Variants in CLCC1 observed in about 807,000 individuals in gnomAD.
CLCC1 encodes the protein chloride channel CLIC-like protein 1.
A neutral mutation model predicts 63.3 loss-of-function variants in CLCC1; 39 were observed. That is an observed-to-expected ratio of 0.62 (90% CI 0.48 to 0.81). The LOEUF is 0.81. Ranked by LOEUF, CLCC1 falls within the 30% of genes least tolerant of loss-of-function variation. The pLI is 0.00. For synonymous variants in CLCC1, 217 were observed against 239.8 expected (o/e 0.90, Z 0.88); for missense variants, 549 against 669.4 (o/e 0.82, Z 1.98).
chr1:108,961,448 A>C (rs917374905), intron 2 of CLCC1, among the ~76,000 whole-genome samples: 1 of 152,208 alleles, frequency 6.6e-6, no homozygotes, highest in Non-Finnish European at 1.5e-5. Context: ...CACCTATGTC[A>C]TTCTAGTACT....
chr1:108,947,643 T>C lies in CLCC1; in HGVS notation c.307A>G (p.Lys103Glu), dbSNP rs1488633723. The C allele has an allele frequency of 2.5e-6, 4 of 1,611,642 alleles. No individual in the cohort carries two copies. The highest frequency in any genetic ancestry group is 3.4e-6 in the Non-Finnish European group (4 of 1,178,754). ...AGCTTTCCAGCTTCAATTAAAATCTTATTTAAGTATCTCCTAAAAACAGGA... is the reference window on the plus strand; with the variant it reads ...AGCTTTCCAGCTTCAATTAAAATCTCATTTAAGTATCTCCTAAAAACAGGA... ...SNPVFRRYLN[K>E]ILIEAGKLGL... The change falls in exon 5 of 13, where the codon AAG becomes GAG. Residue 103 changes from lysine to glutamate, a missense_variant. By Grantham distance (56) the Lys-to-Glu change is moderately conservative. Transcript: ENST00000369969.
rs1571098519 is a variant in CLCC1, at chr1:108,960,765, G to C, written c.-12+1544C>G. On this transcript the variant is annotated intron_variant, in intron 2 of 12. Transcript: ENST00000369969. ...TAACACTGTGAGGAGGTTAGGATGG[G>C]GGAAACGGAGATTTGGAGGGGAAAA... is the stretch of plus-strand genomic sequence containing the variant. 2.0e-5 allele frequency among the ~76,000 whole-genome samples: 3 copies of C among 152,130 alleles called. No homozygotes were observed. In the South Asian group the frequency reaches 6.2e-4, roughly 32 times the overall value.
At chr1:108,955,987 C>G (rs1229618102) in intron 2 of CLCC1, among the ~76,000 whole-genome samples, 1 of 151,612 alleles carries the variant, frequency 6.6e-6, no homozygotes, top group Non-Finnish European at 1.5e-5. Context: ...TACTTCTCGG[C>G]ACCCATAATC....
At position 108,932,165 on chromosome 1, in the gene CLCC1, T is replaced by G. The variant is rs2101593033; in HGVS notation, c.*382A>C. ...GATGCACATCTGTAATCCTAGCTACTCGGGAGACTGAGGCAGGAGAATCTC... is the reference window on the plus strand; with the variant it reads ...GATGCACATCTGTAATCCTAGCTACGCGGGAGACTGAGGCAGGAGAATCTC... On this transcript the variant is annotated 3_prime_UTR_variant, in exon 13 of 13. Coordinates refer to ENST00000369969, the MANE Select transcript of CLCC1 (RefSeq NM_001377458.1). 6.6e-6 allele frequency: 1 copy of G among 152,300 alleles called. No homozygotes were observed. The highest frequency in any genetic ancestry group is 3.4e-3 in the Middle Eastern group (1 of 294). 9.4% of individuals were successfully genotyped at this position (152,300 alleles called of 1,614,324 possible). A position where few individuals can be genotyped will look rare whatever the true frequency, so the allele number is the denominator to read the frequency against.
chr1:108,963,477 AATTGTTC>A lies in CLCC1; in HGVS notation c.-296_-290del. The A allele has an allele frequency of 2.8e-6, 2 of 701,800 alleles. No homozygotes were observed. The highest frequency in any genetic ancestry group is 3.0e-5 in the South Asian group (2 of 67,578). 43.5% of individuals were successfully genotyped at this position (701,800 alleles called of 1,614,324 possible). ...GCGTGCTTCCTGGGCCTCGTCATCG[AATTGTTC>A]GGCTGACGGCTGCGTGTCCCTCCCC... On this transcript the variant is annotated 5_prime_UTR_variant, in exon 1 of 13. Coordinates refer to ENST00000369969, the MANE Select transcript of CLCC1 (RefSeq NM_001377458.1).
In CLCC1 at chr1:108,931,624, C is replaced by G; in HGVS notation, c.*923G>C. On this transcript the variant is annotated 3_prime_UTR_variant, in exon 13 of 13. Transcript: ENST00000369969. ...CCTGGAATTAATTACATTAAGTGCT[C>G]AGCTAAAAAAAAAAAAAAAGTTCTA... 9.6e-7 allele frequency: 1 copy of G among 1,045,578 alleles called. No homozygotes were observed. The highest frequency in any genetic ancestry group is 1.2e-6 in the Non-Finnish European group (1 of 801,270). 64.8% of individuals were successfully genotyped at this position (1,045,578 alleles called of 1,614,324 possible).
At position 108,941,385 on chromosome 1, in the gene CLCC1, C is replaced by A; in HGVS notation, c.796+20G>T. 1 of 1,592,914 alleles carries A rather than the reference C, an allele frequency of 6.3e-7. No homozygotes were observed. The highest frequency in any genetic ancestry group is 8.6e-7 in the Non-Finnish European group (1 of 1,164,304). ...TCAGAATTTCTATTCAAAATAAGGACAAGTGCACAAACACCTTACCCCAGA... is the reference window on the plus strand; with the variant it reads ...TCAGAATTTCTATTCAAAATAAGGAAAAGTGCACAAACACCTTACCCCAGA... On this transcript the variant is annotated intron_variant, in intron 8 of 12. Transcript: ENST00000369969.
intron 5 of CLCC1, among the ~76,000 whole-genome samples, chr1:108,945,404 A>G (rs1485343139): frequency 2.6e-5 from 4 of 152,184 alleles, no homozygotes; most frequent in Non-Finnish European, 4.4e-5. Flanking sequence ...AAAAAAAGAC[A>G]CTTGTTTGCA....
intron 1 of CLCC1, among the ~76,000 whole-genome samples, chr1:108,962,731 C>T (rs930380740): frequency 3.9e-5 from 6 of 152,198 alleles, no homozygotes; most frequent in African/African-American, 1.4e-4. Context: ...ATTAGCCGGG[C>T]CTGGTGGCGC....
intron 7 of CLCC1, among the ~76,000 whole-genome samples, chr1:108,942,361 A>G (rs560384020): frequency 4.8e-4 from 73 of 152,358 alleles, no homozygotes; most frequent in African/African-American, 1.7e-3. Context: ...AATGACCAAT[A>G]TACAATCATT....
chr1:108,962,847 G>T (rs1656838808), intron 1 of CLCC1, among the ~76,000 whole-genome samples: 1 of 150,590 alleles, frequency 6.6e-6, no homozygotes, highest in Non-Finnish European at 1.5e-5. Flanking sequence ...CTCCAGCCTG[G>T]GTGACACAGC....
rs1425016080 is a variant in CLCC1 at position 108,941,496 on chromosome 1, T to C, written c.705A>G (p.Leu235=). 6.2e-7 allele frequency: 1 copy of C among 1,613,864 alleles called. No homozygotes were observed. ...CTTCAGCCTGATGCTGTGCAAAAGC[T>C]AGCTGCCCAACACCAAAAGGGAACC... ...LGWNWMYLYK[L]AFAQHQAEVA... is the part of the protein sequence containing the mutation. The change falls in exon 8 of 13, where the codon CTA becomes CTG. Residue 235 remains leucine, a splice_region_variant and synonymous_variant. Coordinates refer to ENST00000369969, the MANE Select transcript of CLCC1 (RefSeq NM_001377458.1).
Position 108,929,795 on chromosome 1 carries a change from G to A in CLCC1, c.*2752C>T, listed in dbSNP as rs765367400. On this transcript the variant is annotated 3_prime_UTR_variant, in exon 13 of 13. Coordinates refer to ENST00000369969, the MANE Select transcript of CLCC1 (RefSeq NM_001377458.1). ...GAAGACTTTTTCAGCCTTATTTTAC[G>A]GTCCCAGGGAAAGAGAATGGATGAA... The A allele has an allele frequency of 4.0e-5, 64 of 1,613,818 alleles. No homozygotes were observed. Among genetic ancestry groups the A allele is most frequent in the Non-Finnish European group, 5.2e-5 (61 of 1,179,902 alleles).
chr1:108,944,499 T>A (rs1029238915), intron 5 of CLCC1, among the ~76,000 whole-genome samples: 3 of 152,078 alleles, frequency 2.0e-5, no homozygotes, highest in Non-Finnish European at 4.4e-5. Flanking sequence ...AATATCCACC[T>A]GTCTTCACAG....
At chr1:108,937,569 TTA>T (rs1653201699) in intron 10 of CLCC1, 151 bp from the exon 11 acceptor site, 1 of 649,706 alleles carries the variant, frequency 1.5e-6, no homozygotes, top group African/African-American at 1.9e-5. Flanking sequence ...CTTTTTTTCA[TTA>T]GAGACCTCTT....
chr1:108,942,621 TA>T (rs1176098983), intron 7 of CLCC1, among the ~76,000 whole-genome samples: 1 of 152,182 alleles, frequency 6.6e-6, no homozygotes, highest in Non-Finnish European at 1.5e-5. Context: ...AATTTCTATA[TA>T]CAGTATGATC....
At position 108,937,139 on chromosome 1, in the gene CLCC1, C is replaced by T; in HGVS notation, c.1321G>A (p.Val441Met). Residue 441 changes from valine to methionine, a missense_variant, in exon 11 of 13, where the codon GTG becomes ATG. By Grantham distance (21) the Val-to-Met change is conservative. Coordinates refer to ENST00000369969, the MANE Select transcript of CLCC1 (RefSeq NM_001377458.1). ...RFQTGNKSPEVLRAFDVPDAE... is the reference protein window; with the variant it reads ...RFQTGNKSPEMLRAFDVPDAE... ...TCTGGTACATCAAATGCCCGGAGCACTTCAGGGCTCTTGTTGCCAGTCTGA... is the reference window on the plus strand; with the variant it reads ...TCTGGTACATCAAATGCCCGGAGCATTTCAGGGCTCTTGTTGCCAGTCTGA... 1 of 1,563,808 alleles carries T rather than the reference C, an allele frequency of 6.4e-7. No homozygotes were observed. Among genetic ancestry groups the T allele is most frequent in the Non-Finnish European group, 8.6e-7 (1 of 1,156,334 alleles).
Position 108,936,096 on chromosome 1 carries a change from T to C in CLCC1, c.1383+981A>G, listed in dbSNP as rs1202997189. On this transcript the variant is annotated intron_variant, in intron 11 of 12. Transcript: ENST00000369969. ...GACCATCTTAAGTTGTTTTTTTTTT[T>C]TTTTTTTTTTTTTTGAGACGACGTC... Among the ~76,000 whole-genome samples the C allele has an allele frequency of 2.8e-5, 4 of 144,254 alleles. No homozygotes were observed. The East Asian group carries it at 7.9e-4, about 28-fold the overall frequency. 94.6% of individuals were successfully genotyped at this position (144,254 alleles called of 152,430 possible). A position where few individuals can be genotyped will look rare whatever the true frequency, so the allele number is the denominator to read the frequency against.
chr1:108,945,017 C>T (rs72699256), intron 5 of CLCC1, among the ~76,000 whole-genome samples: 5,595 of 152,254 alleles, frequency 0.037, 134 homozygotes, highest in Middle Eastern at 0.099. Flanking sequence ...GGGTTTGGTT[C>T]GTGCAAACCT....
Sources: allele counts gnomAD v4.1 joint callset (sites outside exome capture counted in the v4.1 genomes callset), GRCh38; gene constraint gnomAD v4.1.1; transcripts MANE v1.5; gene names NCBI Gene and HGNC (gene_info 2026-07-23, HGNC 2026-07-21).